The following AGBL4 variants were observed in gnomAD, a reference collection of about 807,000 sequenced individuals.
AGBL4 encodes the protein cytosolic carboxypeptidase 6.
In AGBL4, 58 loss-of-function variants were observed where a neutral mutation model predicts 66.4. That is an observed-to-expected ratio of 0.87 (90% CI 0.71 to 1.09). The LOEUF (loss-of-function observed/expected upper bound fraction) is 1.09, where lower values mean the gene tolerates loss of function less well. Among genes scored for constraint, AGBL4 ranks in the 50% least tolerant of loss-of-function variants. The probability of loss-of-function intolerance (pLI) is 0.00; values close to 1 mark genes in which losing one functional copy is unlikely to be tolerated. For missense variants in AGBL4, 579 were observed against 631.0 expected (o/e 0.92, Z 0.88); for synonymous variants, 234 against 222.9 (o/e 1.05, Z -0.44).
At chr1:49,546,011 G>T (rs1371733737) in intron 3 of AGBL4, among the ~76,000 whole-genome samples, 2 of 152,180 alleles carry the variant, frequency 1.3e-5, no homozygotes. Context: ...CATATTTGTA[G>T]TCTCTTATCC....
At chr1:48,560,892 A>G (rs750462186) in intron 11 of AGBL4, among the ~76,000 whole-genome samples, 34 of 152,254 alleles carry the variant, frequency 2.2e-4, no homozygotes, top group East Asian at 1.3e-3. Context: ...ACAACTCTAC[A>G]TTGTGTAGCT....
chr1:49,663,879 G>A (rs1222543964), intron 3 of AGBL4, among the ~76,000 whole-genome samples: 1 of 151,772 alleles, frequency 6.6e-6, no homozygotes, highest in Middle Eastern at 3.2e-3. Flanking sequence ...AAGTAAGAAT[G>A]GTCTTCCTGA....
intron 2 of AGBL4, among the ~76,000 whole-genome samples, chr1:49,758,712 C>CT (rs34268542): frequency 0.6 from 89,029 of 147,404 alleles, 27,060 homozygotes; most frequent in Admixed American, 0.69. Context: ...CTGTAACTAG[C>CT]TTTTTTTTTT....
chr1:49,189,961 T>C lies in AGBL4; in HGVS notation c.377+55809A>G, dbSNP rs1425906575. Among the ~76,000 whole-genome samples, 3 of 152,304 alleles carry C rather than the reference T, an allele frequency of 2.0e-5. No individual in the cohort carries two copies. In the East Asian group the frequency reaches 5.8e-4, roughly 29 times the overall value. ...TTCCTTCAACAGGACACTCCTGTTA[T>C]AATAATGCATTCTTTGTTTTTATTT... On this transcript the variant is annotated intron_variant, in intron 4 of 13. Transcript: ENST00000371839.
chr1:49,068,014 T>G (rs1571365271), intron 4 of AGBL4, among the ~76,000 whole-genome samples: 2 of 151,866 alleles, frequency 1.3e-5, no homozygotes, highest in Non-Finnish European at 2.9e-5. Flanking sequence ...ATAAGCTTCT[T>G]GAGGGAGGCA....
At chr1:49,325,083 C>A (rs911704173) in intron 3 of AGBL4, among the ~76,000 whole-genome samples, 7 of 152,070 alleles carry the variant, frequency 4.6e-5, no homozygotes, top group African/African-American at 1.7e-4. Context: ...AGTGCAGTGG[C>A]ACAATCTTGG....
chr1:49,535,425 A>G (rs1306030959), intron 3 of AGBL4, among the ~76,000 whole-genome samples: 1 of 149,372 alleles, frequency 6.7e-6, no homozygotes, highest in East Asian at 1.9e-4. Context: ...ATGAAATCAC[A>G]AAAGTGTTAG....
At chr1:49,858,602 G>T (rs1185417543) in intron 1 of AGBL4, among the ~76,000 whole-genome samples, 1 of 152,086 alleles carries the variant, frequency 6.6e-6, no homozygotes, top group East Asian at 1.9e-4. Flanking sequence ...ATAAGAGAAT[G>T]TAGACTTAAG....
intron 3 of AGBL4, among the ~76,000 whole-genome samples, chr1:49,623,670 C>G (rs990781612): frequency 6.6e-6 from 1 of 152,164 alleles, no homozygotes; most frequent in Admixed American, 6.5e-5. Flanking sequence ...TCATTACAAT[C>G]TGACAAACCA....
At chr1:49,546,458 T>C (rs1171487509) in intron 3 of AGBL4, among the ~76,000 whole-genome samples, 2 of 152,094 alleles carry the variant, frequency 1.3e-5, no homozygotes, top group Non-Finnish European at 2.9e-5. Context: ...ACTGTGAATT[T>C]TGTTGTTATG....
At chr1:49,985,051 C>G (rs1659384038) in intron 1 of AGBL4, among the ~76,000 whole-genome samples, 1 of 152,158 alleles carries the variant, frequency 6.6e-6, no homozygotes, top group African/African-American at 2.4e-5. Context: ...TGCCCAACTA[C>G]AGTACTACAT....
chr1:48,795,856 CT>C (rs969822556), intron 6 of AGBL4, among the ~76,000 whole-genome samples: 1 of 152,100 alleles, frequency 6.6e-6, no homozygotes, highest in African/African-American at 2.4e-5. Flanking sequence ...GTTTCACTAT[CT>C]TGGCTAGGCT....
chr1:49,286,293 A>C (rs1444295440), intron 3 of AGBL4, among the ~76,000 whole-genome samples: 1 of 151,810 alleles, frequency 6.6e-6, no homozygotes, highest in Non-Finnish European at 1.5e-5. Context: ...TCCCTTTGAA[A>C]ACTGGCACAA....
chr1:49,049,286 G>T (rs1571323539), intron 4 of AGBL4, among the ~76,000 whole-genome samples: 1 of 152,044 alleles, frequency 6.6e-6, no homozygotes, highest in South Asian at 2.1e-4. Flanking sequence ...GTCAACAAAG[G>T]TTTAAATATT....
intron 6 of AGBL4, among the ~76,000 whole-genome samples, chr1:48,842,560 A>G (rs1187562500): frequency 6.6e-6 from 1 of 152,330 alleles, no homozygotes; most frequent in Non-Finnish European, 1.5e-5. Flanking sequence ...AAATGGGATC[A>G]TATTCCCTTT....
intron 3 of AGBL4, among the ~76,000 whole-genome samples, chr1:49,343,842 G>C (rs1380098989): frequency 1.3e-5 from 2 of 152,070 alleles, no homozygotes; most frequent in Non-Finnish European, 2.9e-5. Context: ...ACTATTTTGT[G>C]GGAAAAATAT....
chr1:48,695,226 T>C (rs1426834165), intron 6 of AGBL4, among the ~76,000 whole-genome samples: 1 of 152,220 alleles, frequency 6.6e-6, no homozygotes, highest in African/African-American at 2.4e-5. Context: ...CACAGAGCCC[T>C]GAGAGCCTTC....
At chr1:48,993,598 C>T (rs1012762641) in intron 5 of AGBL4, among the ~76,000 whole-genome samples, 7 of 152,166 alleles carry the variant, frequency 4.6e-5, no homozygotes, top group African/African-American at 1.7e-4. Context: ...GTGATCCAGA[C>T]CGCCTTTGAA....
chr1:49,406,148 G>T (rs1183769315), intron 3 of AGBL4, among the ~76,000 whole-genome samples: 1 of 152,202 alleles, frequency 6.6e-6, no homozygotes. Flanking sequence ...CTGGAAGAAT[G>T]AGTTTAAATA....
Sources: allele counts gnomAD v4.1 joint callset (sites outside exome capture counted in the v4.1 genomes callset), GRCh38; gene constraint gnomAD v4.1.1; transcripts MANE v1.5; gene names NCBI Gene and HGNC (gene_info 2026-07-23, HGNC 2026-07-21).